Variants in CCDC192 observed in about 807,000 individuals in gnomAD.
CCDC192 encodes the protein coiled-coil domain-containing protein 192.
intron 3 of CCDC192, among the ~76,000 whole-genome samples, chr5:127,756,114 C>G (rs547339291): frequency 1.0e-3 from 156 of 150,686 alleles, no homozygotes; most frequent in African/African-American, 3.6e-3. Context: ...GCCTGGGCGA[C>G]AGAGCCAGAC....
At chr5:127,836,565 C>G (rs1459016567) in intron 5 of CCDC192, among the ~76,000 whole-genome samples, 3 of 152,220 alleles carry the variant, frequency 2.0e-5, no homozygotes, top group Non-Finnish European at 2.9e-5. Flanking sequence ...GCCTGGACAT[C>G]CAGGCATTTT....
intron 5 of CCDC192, among the ~76,000 whole-genome samples, chr5:127,858,932 GCTTATAAAAAAAAACA>G (rs1207646049): frequency 7.8e-6 from 1 of 127,662 alleles, no homozygotes; most frequent in East Asian, 2.8e-4. Context: ...ACTTTTGTGT[GCTTATAAAAAAAAACA>G]CTGTCACATA....
intron 5 of CCDC192, among the ~76,000 whole-genome samples, chr5:127,851,709 G>A (rs192518869): frequency 3.3e-5 from 5 of 152,340 alleles, no homozygotes; most frequent in African/African-American, 2.4e-5. Flanking sequence ...GCCCGCCTCG[G>A]CCTCCCAAAG....
chr5:127,735,572 C>T (rs1752932283), intron 2 of CCDC192, among the ~76,000 whole-genome samples: 1 of 90,104 alleles, frequency 1.1e-5, no homozygotes, highest in Non-Finnish European at 2.1e-5. Context: ...ATGGAATGTT[C>T]TTCCATTTGT....
intron 6 of CCDC192, among the ~76,000 whole-genome samples, chr5:127,934,125 A>G (rs1159736170): frequency 6.6e-6 from 1 of 152,182 alleles, no homozygotes; most frequent in Non-Finnish European, 1.5e-5. Flanking sequence ...CACTGCTCTC[A>G]GGAGCACTAC....
chr5:127,712,341 G>T (rs1056321542), intron 2 of CCDC192, among the ~76,000 whole-genome samples: 1 of 152,152 alleles, frequency 6.6e-6, no homozygotes, highest in Admixed American at 6.5e-5. Flanking sequence ...GGGTCATGGG[G>T]TTGCATCCCT....
At chr5:127,872,006 C>T (rs750921857) in intron 5 of CCDC192, among the ~76,000 whole-genome samples, 1 of 152,134 alleles carries the variant, frequency 6.6e-6, no homozygotes, top group Non-Finnish European at 1.5e-5. Flanking sequence ...GGCTAGTGAA[C>T]GCCAAACAGC....
At chr5:127,758,130 T>A (rs1462129036) in intron 3 of CCDC192, among the ~76,000 whole-genome samples, 1 of 152,154 alleles carries the variant, frequency 6.6e-6, no homozygotes, top group Non-Finnish European at 1.5e-5. Flanking sequence ...AGACCTTATC[T>A]GTTAGCTTTG....
At chr5:127,922,747 TAAAC>T (rs751556416) in intron 6 of CCDC192, among the ~76,000 whole-genome samples, 5 of 152,144 alleles carry the variant, frequency 3.3e-5, no homozygotes, top group East Asian at 1.9e-4. Context: ...AACCCTGTCT[TAAAC>T]AAACAAACAA....
At chr5:127,921,107 GGAAAGGA>G (rs1288118411) in intron 6 of CCDC192, among the ~76,000 whole-genome samples, 1 of 145,586 alleles carries the variant, frequency 6.9e-6, no homozygotes, top group African/African-American at 2.6e-5. Flanking sequence ...GGAAAGGAAA[GGAAAGGA>G]GAAAGGAGAG....
Position 127,886,815 on chromosome 5 carries a change from G to A in CCDC192, c.535+11154G>A, listed in dbSNP as rs1042077748. Among the ~76,000 whole-genome samples, 4 of 152,196 alleles carry A rather than the reference G, an allele frequency of 2.6e-5. No homozygotes were observed. In the South Asian group the frequency reaches 8.3e-4, roughly 32 times the overall value. Reference sequence around the variant, plus strand: ...ACCCCTGTGTTGTTCAAGGGTCAATGGTAAATTGATTGATTGTAACTCAAA... The same window carrying A: ...ACCCCTGTGTTGTTCAAGGGTCAATAGTAAATTGATTGATTGTAACTCAAA... On this transcript the variant is annotated intron_variant, in intron 6 of 6. Transcript: ENST00000514853.
chr5:127,742,977 T>C (rs1753508240), intron 2 of CCDC192, among the ~76,000 whole-genome samples: 1 of 152,088 alleles, frequency 6.6e-6, no homozygotes, highest in Non-Finnish European at 1.5e-5. Flanking sequence ...TGTTTCCTCC[T>C]CCCTATCCAC....
intron 2 of CCDC192, among the ~76,000 whole-genome samples, chr5:127,750,569 G>T (rs1171754197): frequency 1.3e-5 from 2 of 150,382 alleles, no homozygotes; most frequent in Non-Finnish European, 3.0e-5. Flanking sequence ...GTGGTGTGGT[G>T]CTGAAAAAAA....
chr5:127,874,092 G>A (rs1032935450), intron 5 of CCDC192, among the ~76,000 whole-genome samples: 5 of 152,118 alleles, frequency 3.3e-5, no homozygotes, highest in East Asian at 1.9e-4. Context: ...GGCCAGCATC[G>A]TGTCTGACAC....
At chr5:127,845,237 G>A (rs1190811963) in intron 5 of CCDC192, among the ~76,000 whole-genome samples, 1 of 152,206 alleles carries the variant, frequency 6.6e-6, no homozygotes, top group African/African-American at 2.4e-5. Flanking sequence ...CTGTCTGGAG[G>A]AGAGTCAGGG....
intron 2 of CCDC192, among the ~76,000 whole-genome samples, chr5:127,742,317 AT>A (rs1358834917): frequency 6.6e-6 from 1 of 152,180 alleles, no homozygotes; most frequent in Non-Finnish European, 1.5e-5. Flanking sequence ...TGAGTCAACA[AT>A]TTCTTTCCAA....
At chr5:127,731,840 A>G (rs1580547955) in intron 2 of CCDC192, among the ~76,000 whole-genome samples, 1 of 152,152 alleles carries the variant, frequency 6.6e-6, no homozygotes, top group Admixed American at 6.6e-5. Context: ...TCCTTATACC[A>G]TATACAAAAA....
chr5:127,706,854 A>G (rs1007398623), intron 1 of CCDC192, among the ~76,000 whole-genome samples: 21 of 152,214 alleles, frequency 1.4e-4, no homozygotes, highest in Non-Finnish European at 2.5e-4. Context: ...TGAGATACAT[A>G]TGGTAGGTCC....
At chr5:127,848,127 A>G (rs1029151537) in intron 5 of CCDC192, among the ~76,000 whole-genome samples, 1 of 151,862 alleles carries the variant, frequency 6.6e-6, no homozygotes, top group African/African-American at 2.4e-5. Flanking sequence ...GAGTGGCTAC[A>G]GTTTTCTTAT....
Sources: allele counts gnomAD v4.1 joint callset (sites outside exome capture counted in the v4.1 genomes callset), GRCh38; gene constraint gnomAD v4.1.1; transcripts MANE v1.5; gene names NCBI Gene and HGNC (gene_info 2026-07-23, HGNC 2026-07-21).